Variants in PPP2R1B observed in about 807,000 individuals in gnomAD.
PPP2R1B encodes serine/threonine-protein phosphatase 2A 65 kDa regulatory subunit A beta isoform.
A neutral mutation model predicts 72.7 loss-of-function variants in PPP2R1B; 58 were observed. That is an observed-to-expected ratio of 0.80 (90% CI 0.65 to 0.99). The LOEUF is 0.99. PPP2R1B is among the 50% of genes least tolerant of loss of function. The pLI is 0.00. For missense variants in PPP2R1B, 695 were observed against 733.6 expected (o/e 0.95, Z 0.61); for synonymous variants, 256 against 264.6 (o/e 0.97, Z 0.32).
chr11:111,721,741 A>G, the PPP2R1B span: 4 of 945,154 alleles, frequency 4.2e-6, no homozygotes, highest in African/African-American at 1.6e-5. Context: ...TGGTATTCCT[A>G]TTGGACATTG....
intron 14 of PPP2R1B, 79 bp downstream of exon 14, chr11:111,741,974 C>T (rs1334850725): frequency 3.3e-6 from 4 of 1,216,616 alleles, no homozygotes; most frequent in Non-Finnish European, 4.9e-6. Flanking sequence ...ATCCTACCCA[C>T]TTAACACCTC....
At chr11:111,760,679 C>T in intron 4 of PPP2R1B, 140 bp downstream of exon 4, 1 of 719,710 alleles carries the variant, frequency 1.4e-6, no homozygotes, top group Non-Finnish European at 2.3e-6. Flanking sequence ...TGTCATAAAT[C>T]CTACTATCCT....
chr11:111,696,871 C>T, the PPP2R1B span, among the ~76,000 whole-genome samples: 6 of 152,172 alleles, frequency 3.9e-5, no homozygotes, highest in African/African-American at 1.2e-4. Flanking sequence ...ATAAATCCTG[C>T]ATTTTCACAT....
At chr11:111,724,055 C>G, downstream of PPP2R1B, 1 of 1,614,128 alleles carries the variant, frequency 6.2e-7, no homozygotes. Context: ...CCTCTCTGAG[C>G]TACCTGGACT....
downstream of PPP2R1B, chr11:111,726,819 G>T: frequency 1.4e-6 from 1 of 704,674 alleles, no homozygotes; most frequent in South Asian, 1.8e-5. Context: ...GTACACTACT[G>T]TATCATCATC....
At chr11:111,716,806 T>TA in the PPP2R1B span, among the ~76,000 whole-genome samples, 2 of 151,806 alleles carry the variant, frequency 1.3e-5, no homozygotes, top group Non-Finnish European at 2.9e-5. Flanking sequence ...ATATTAAGGA[T>TA]AAAAAAAGAA....
rs1565477168 is a variant in PPP2R1B at position 111,760,890 on chromosome 11, GC to G, written c.467del (p.Arg156ProfsTer55). ...RLASGDWFTS[R>X]TSACGLFSVC... ...CGCTGAACAAACCACATGCAGATGT[GC>G]GAGAGGTGAACCAATCCCCACTTGC... On this transcript the variant is annotated frameshift_variant, in exon 4 of 15. Transcript: ENST00000527614. LOFTEE classifies it high-confidence loss of function. The G allele has an allele frequency of 6.2e-7, 1 of 1,614,192 alleles. No homozygotes were observed. The highest frequency in any genetic ancestry group is 8.5e-7 in the Non-Finnish European group (1 of 1,180,034).
rs532869594 is a variant in PPP2R1B at position 111,738,086 on chromosome 11, G to C, written c.*3510C>G. ...TACAGAGGACTGGAGGGAGACATGC[G>C]AGGGAAGAGGAAAGAGGAGAGTAAG... On this transcript the variant is annotated 3_prime_UTR_variant, in exon 15 of 15. Transcript: ENST00000527614. The C allele has an allele frequency of 2.7e-4, 263 of 990,648 alleles. No individual in the cohort carries two copies. In the African/African-American group the frequency reaches 4.2e-3, roughly 16 times the overall value. 61.4% of individuals were successfully genotyped at this position (990,648 alleles called of 1,614,324 possible).
intron 10 of PPP2R1B, among the ~76,000 whole-genome samples, chr11:111,750,029 T>C (rs561179450): frequency 1.8e-4 from 28 of 152,260 alleles, no homozygotes; most frequent in African/African-American, 6.3e-4. Flanking sequence ...AGATGACCCA[T>C]AGCACTTGGG....
chr11:111,714,714 T>C, the PPP2R1B span, among the ~76,000 whole-genome samples: 10 of 152,158 alleles, frequency 6.6e-5, no homozygotes, highest in Admixed American at 6.5e-4. Flanking sequence ...AGGCCGACCA[T>C]GAGTTCAGCC....
chr11:111,756,588 G>C (rs1323536769), intron 5 of PPP2R1B, among the ~76,000 whole-genome samples: 1 of 152,136 alleles, frequency 6.6e-6, no homozygotes, highest in East Asian at 1.9e-4. Context: ...GGCAGCATAA[G>C]ATAATGACTT....
intron 12 of PPP2R1B, 133 bp from the exon 13 acceptor site, chr11:111,742,798 G>A: frequency 1.3e-6 from 1 of 745,678 alleles, no homozygotes; most frequent in Admixed American, 3.4e-5. Context: ...CTGAGTGGGG[G>A]ACACAAGAAT....
chr11:111,749,328 G>A (rs561351042), intron 10 of PPP2R1B, among the ~76,000 whole-genome samples: 2 of 151,906 alleles, frequency 1.3e-5, no homozygotes, highest in South Asian at 2.1e-4. Flanking sequence ...CTGTCGCCCA[G>A]GCTGGAGTAC....
downstream of PPP2R1B, chr11:111,724,305 T>C: frequency 1.1e-6 from 1 of 909,550 alleles, no homozygotes; most frequent in Non-Finnish European, 1.6e-6. Context: ...CTCCTGGTTC[T>C]GCCCCACCAC....
downstream of PPP2R1B, chr11:111,724,138 C>T (rs764329568): frequency 2.5e-6 from 4 of 1,602,460 alleles, no homozygotes; most frequent in South Asian, 4.4e-5. Context: ...AGTCTCAGCA[C>T]AGGAATTGAG....
At chr11:111,717,851 T>A in the PPP2R1B span, among the ~76,000 whole-genome samples, 2 of 152,204 alleles carry the variant, frequency 1.3e-5, no homozygotes, top group Middle Eastern at 3.4e-3. Flanking sequence ...AAACACCACA[T>A]GTTCTCACGT....
chr11:111,763,904 C>G (rs1307610042), intron 3 of PPP2R1B, among the ~76,000 whole-genome samples: 3 of 151,928 alleles, frequency 2.0e-5, no homozygotes, highest in Admixed American at 6.6e-5. Flanking sequence ...ATTAATCAAT[C>G]TACCTCAGGA....
rs115633648 is a variant in PPP2R1B at position 111,760,888 on chromosome 11, G to A, written c.470C>T (p.Thr157Ile). 13 of 1,614,088 alleles carry A rather than the reference G, an allele frequency of 8.1e-6. No homozygotes were observed. Among genetic ancestry groups the A allele is most frequent in the South Asian group, 2.2e-5 (2 of 91,088 alleles). ...LASGDWFTSR[T>I]SACGLFSVCY... ...AACGCTGAACAAACCACATGCAGAT[G>A]TGCGAGAGGTGAACCAATCCCCACT... The change falls in exon 4 of 15, where the codon ACA becomes ATA. Residue 157 changes from threonine to isoleucine, a missense_variant. Coordinates refer to ENST00000527614, the MANE Select transcript of PPP2R1B (RefSeq NM_002716.5).
chr11:111,750,349 T>G (rs1433676757), intron 10 of PPP2R1B, among the ~76,000 whole-genome samples: 2 of 152,158 alleles, frequency 1.3e-5, no homozygotes, highest in East Asian at 3.9e-4. Context: ...CAAAAAATAC[T>G]CAACAATCAA....
Sources: gnomAD v4.1 joint callset for allele counts (sites outside exome capture counted in the v4.1 genomes callset) on GRCh38, gnomAD v4.1.1 for gene constraint, MANE v1.5 for transcripts, NCBI Gene and HGNC (gene_info 2026-07-23, HGNC 2026-07-21) for gene names.